The following RASGRF2 variants were observed in gnomAD, a reference collection of about 807,000 sequenced individuals.
The protein encoded by RASGRF2 is ras-specific guanine nucleotide-releasing factor 2.
RASGRF2 carries 76 observed loss-of-function variants against 151.0 expected under a neutral mutation model. That is an observed-to-expected ratio of 0.50 (90% CI 0.42 to 0.61). The LOEUF is 0.61. Among genes scored for constraint, RASGRF2 ranks in the 20% least tolerant of loss-of-function variants. The pLI is 0.00. For synonymous variants in RASGRF2, 504 were observed against 566.5 expected (o/e 0.89, Z 1.57); for missense variants, 1,148 against 1,564.6 (o/e 0.73, Z 4.49).
chr5:80,975,079 T>A (rs536223237), intron 1 of RASGRF2, among the ~76,000 whole-genome samples: 73 of 152,194 alleles, frequency 4.8e-4, no homozygotes, highest in African/African-American at 1.8e-3. Flanking sequence ...CTCTTTTGGC[T>A]CCTCAGTCCC....
intron 6 of RASGRF2, 31 bp from the exon 7 acceptor site, chr5:81,080,565 G>A (rs948638908): frequency 8.8e-6 from 14 of 1,585,530 alleles, no homozygotes; most frequent in Admixed American, 1.7e-5. Context: ...AAGCAACAAG[G>A]GAAACAGCCG....
rs1387968785 is a variant in RASGRF2, at chr5:81,168,545, A to G, written c.2687-11630A>G. ...AGGCTGGTCTCGAACTCCTGACCTC[A>G]GGTGATCCACCCACCTCAGCCTCCC... On this transcript the variant is annotated intron_variant, in intron 17 of 26. Transcript: ENST00000265080. Among the ~76,000 whole-genome samples, 3 of 152,082 alleles carry G rather than the reference A, an allele frequency of 2.0e-5. No homozygotes were observed. The East Asian group carries it at 5.8e-4, about 29-fold the overall frequency.
intron 1 of RASGRF2, among the ~76,000 whole-genome samples, chr5:80,983,927 A>ATGGC (rs1393119175): frequency 7.0e-4 from 107 of 152,282 alleles, no homozygotes; most frequent in African/African-American, 2.5e-3. Flanking sequence ...AATTACGTGC[A>ATGGC]TGGCTTACAT....
intron 1 of RASGRF2, among the ~76,000 whole-genome samples, chr5:81,001,642 C>T (rs1445938232): frequency 6.6e-6 from 1 of 150,886 alleles, no homozygotes; most frequent in African/African-American, 2.4e-5. Flanking sequence ...CCCAAAGAGC[C>T]TTCCCACAGT....
At chr5:81,133,973 C>T (rs750604087) in intron 17 of RASGRF2, among the ~76,000 whole-genome samples, 1 of 151,730 alleles carries the variant, frequency 6.6e-6, no homozygotes, top group Admixed American at 6.6e-5. Flanking sequence ...GGTCCTATAC[C>T]TAAAGATTCT....
At chr5:80,995,524 G>C (rs538399240) in intron 1 of RASGRF2, among the ~76,000 whole-genome samples, 7 of 151,668 alleles carry the variant, frequency 4.6e-5, no homozygotes, top group African/African-American at 1.7e-4. Context: ...AAATGACCTG[G>C]GTAGTATAAG....
chr5:81,026,613 A>C (rs936569915), intron 1 of RASGRF2, among the ~76,000 whole-genome samples: 1 of 152,198 alleles, frequency 6.6e-6, no homozygotes, highest in African/African-American at 2.4e-5. Flanking sequence ...GGGAAATGGT[A>C]AAGTAACTGT....
At chr5:81,214,020 G>A (rs1462782106) in intron 23 of RASGRF2, among the ~76,000 whole-genome samples, 2 of 152,150 alleles carry the variant, frequency 1.3e-5, no homozygotes, top group African/African-American at 4.8e-5. Flanking sequence ...ATGAACATTG[G>A]TGCAATCCAC....
At chr5:81,166,446 C>G (rs1754510759) in intron 17 of RASGRF2, among the ~76,000 whole-genome samples, 1 of 152,176 alleles carries the variant, frequency 6.6e-6, no homozygotes, top group South Asian at 2.1e-4. Context: ...CATCAGCCTC[C>G]CAAACTGCTG....
intron 1 of RASGRF2, among the ~76,000 whole-genome samples, chr5:80,988,314 G>A (rs1405138444): frequency 6.6e-6 from 1 of 152,142 alleles, no homozygotes; most frequent in South Asian, 2.1e-4. Flanking sequence ...GCCTCCCAAA[G>A]TGCTGGGATT....
At chr5:81,046,217 T>C (rs1216152752) in intron 2 of RASGRF2, among the ~76,000 whole-genome samples, 2 of 152,174 alleles carry the variant, frequency 1.3e-5, no homozygotes, top group East Asian at 3.8e-4. Flanking sequence ...TGGGATGGCT[T>C]TTCAGTACCA....
intron 15 of RASGRF2, among the ~76,000 whole-genome samples, chr5:81,119,061 G>A (rs998406141): frequency 2.0e-5 from 3 of 152,086 alleles, no homozygotes; most frequent in South Asian, 2.1e-4. Flanking sequence ...TCTTCTGAGC[G>A]CTGACTATTA....
chr5:81,177,528 A>T (rs1754803177), intron 17 of RASGRF2, among the ~76,000 whole-genome samples: 1 of 151,500 alleles, frequency 6.6e-6, no homozygotes, highest in South Asian at 2.1e-4. Context: ...CATACTATGT[A>T]GGCTTTCATT....
intron 1 of RASGRF2, among the ~76,000 whole-genome samples, chr5:80,971,438 G>A (rs1747929133): frequency 6.6e-6 from 1 of 152,068 alleles, no homozygotes; most frequent in African/African-American, 2.4e-5. Flanking sequence ...TTTTGAGACA[G>A]GGTCTTGCTG....
chr5:81,009,766 T>A (rs1399475225), intron 1 of RASGRF2, among the ~76,000 whole-genome samples: 1 of 152,200 alleles, frequency 6.6e-6, no homozygotes, highest in Non-Finnish European at 1.5e-5. Flanking sequence ...TTTTAAGTAA[T>A]ATGGAAAAAT....
chr5:81,043,017 T>C, intron 2 of RASGRF2, 34 bp downstream of exon 2: 2 of 1,519,870 alleles, frequency 1.3e-6, no homozygotes, highest in Non-Finnish European at 1.8e-6. Context: ...AGTACTTGAT[T>C]GTCTGGGTCC....
chr5:81,120,664 T>A (rs1200424958), intron 15 of RASGRF2, among the ~76,000 whole-genome samples: 1 of 152,160 alleles, frequency 6.6e-6, no homozygotes, highest in Non-Finnish European at 1.5e-5. Context: ...AAGTTGTGTG[T>A]GGCCAAGTGT....
At chr5:81,113,224 G>T (rs748208234) in intron 14 of RASGRF2, among the ~76,000 whole-genome samples, 3 of 151,684 alleles carry the variant, frequency 2.0e-5, no homozygotes, top group Non-Finnish European at 2.9e-5. Flanking sequence ...AGGGTGTCTT[G>T]TTAAATTGCT....
intron 17 of RASGRF2, among the ~76,000 whole-genome samples, chr5:81,141,807 T>C (rs1270865860): frequency 6.6e-6 from 1 of 152,170 alleles, no homozygotes; most frequent in East Asian, 1.9e-4. Flanking sequence ...GCAGTTAGCA[T>C]TGAAGGATCT....
Sources: gnomAD v4.1 joint callset for allele counts (sites outside exome capture counted in the v4.1 genomes callset) on GRCh38, gnomAD v4.1.1 for gene constraint, MANE v1.5 for transcripts, NCBI Gene and HGNC (gene_info 2026-07-23, HGNC 2026-07-21) for gene names.